CA5A: variants seen among roughly 807,000 people sequenced by gnomAD.
The protein encoded by CA5A is carbonic anhydrase 5A.
A neutral mutation model predicts 37.1 loss-of-function variants in CA5A; 28 were observed. The ratio of observed to expected loss-of-function variants is 0.75; its 90% CI spans 0.56 to 1.03. The LOEUF (loss-of-function observed/expected upper bound fraction) is 1.03. CA5A is among the 50% of genes least tolerant of loss of function. The pLI is 0.00. For synonymous variants in CA5A, 171 were observed against 158.4 expected, an observed-to-expected ratio of 1.08 and a Z score of -0.60; for missense variants, 444 against 399.9, an observed-to-expected ratio of 1.11 and a Z score of -0.94.
intron 1 of CA5A, among the ~76,000 whole-genome samples, chr16:87,927,718 G>C (rs1420567811): frequency 4.6e-5 from 7 of 152,012 alleles, no homozygotes; most frequent in African/African-American, 1.7e-4. Flanking sequence ...AAAATCAGCT[G>C]GGTGTGGTGG....
intron 5 of CA5A, among the ~76,000 whole-genome samples, chr16:87,901,241 G>C (rs1285703690): frequency 3.3e-5 from 5 of 152,186 alleles, no homozygotes; most frequent in Admixed American, 3.3e-4. Context: ...AAATAAAAAA[G>C]AAAAGAAAAG....
At chr16:87,925,761 A>G (rs1362207687) in intron 2 of CA5A, 1 of 152,218 alleles carries the variant, frequency 6.6e-6, no homozygotes, top group African/African-American at 2.4e-5. Context: ...GCTGGAACCC[A>G]GTAAGGGCTT....
chr16:87,892,271 A>C (rs2055728508), intron 5 of CA5A: 1 of 191,588 alleles, frequency 5.2e-6, no homozygotes, highest in African/African-American at 2.3e-5. Flanking sequence ...GCACTTTGGG[A>C]GGCCGAGGCG....
intron 6 of CA5A, among the ~76,000 whole-genome samples, chr16:87,891,479 AG>A (rs2055712335): frequency 6.6e-6 from 1 of 151,416 alleles, no homozygotes; most frequent in Non-Finnish European, 1.5e-5. Flanking sequence ...AAAAAAAAAA[AG>A]GAAAGAAAAG....
chr16:87,919,525 T>A (rs1037856658), intron 2 of CA5A, among the ~76,000 whole-genome samples: 20 of 151,876 alleles, frequency 1.3e-4, no homozygotes, highest in African/African-American at 4.8e-4. Context: ...CCCGTGAGTG[T>A]CCCCTGGGGA....
chr16:87,921,877 TA>T (rs200831431), intron 2 of CA5A, among the ~76,000 whole-genome samples: 9,147 of 148,156 alleles, frequency 0.062, 909 homozygotes, highest in African/African-American at 0.23. Flanking sequence ...TTATTATTAT[TA>T]TTTTTGAGAG....
rs147612043 is a variant in CA5A, at chr16:87,918,140, G to A, written c.340+8608C>T. On this transcript the variant is annotated intron_variant, in intron 2 of 6. Transcript: ENST00000649794. ...AGCCTGGCAGGCACCCCCCAATTCCGGGCTCTCAGGCCTCGTTTGGATTTA... is the reference window on the plus strand; with the variant it reads ...AGCCTGGCAGGCACCCCCCAATTCCAGGCTCTCAGGCCTCGTTTGGATTTA... 1.4e-3 allele frequency among the ~76,000 whole-genome samples: 213 copies of A among 152,270 alleles called. 3 individuals are homozygous for A. In the East Asian group the frequency reaches 0.021, roughly 15 times the overall value.
intron 2 of CA5A, among the ~76,000 whole-genome samples, chr16:87,918,579 G>A (rs544668463): frequency 1.1e-4 from 16 of 152,328 alleles, no homozygotes; most frequent in East Asian, 7.7e-4. Context: ...TGGCCTGTCC[G>A]TTTGTTTCGC....
intron 2 of CA5A, among the ~76,000 whole-genome samples, chr16:87,912,721 CCCAGGAGGG>C: frequency 6.6e-6 from 1 of 152,200 alleles, no homozygotes; most frequent in Non-Finnish European, 1.5e-5. Context: ...GCTTGGGACG[CCCAGGAGGG>C]CCCCCGTGGA....
rs147390581 is a variant in CA5A, at chr16:87,893,181, G to A, written c.619-1227C>T. On this transcript the variant is annotated intron_variant, in intron 5 of 6. Transcript: ENST00000649794. ...TCAGACAGAGTCTCCAGGCTGGAGT[G>A]CAGTGGTGCGATCTCAGCTCACTGC... The A allele has an allele frequency of 4.3e-3, 1,855 of 428,814 alleles. 11 individuals carry two copies. The highest frequency in any genetic ancestry group is 6.9e-3 in the South Asian group (187 of 27,162). The allele number at this position is 428,814 out of a possible 1,614,324, so 26.6% of individuals were successfully genotyped here.
chr16:87,925,789 C>T (rs543822311), intron 2 of CA5A, among the ~76,000 whole-genome samples: 67 of 152,266 alleles, frequency 4.4e-4, no homozygotes, highest in African/African-American at 1.5e-3. Flanking sequence ...TTCAGGACCT[C>T]TCAAGTCACC....
intron 1 of CA5A, among the ~76,000 whole-genome samples, chr16:87,934,697 C>G (rs1403567885): frequency 6.6e-6 from 1 of 152,298 alleles, no homozygotes; most frequent in Non-Finnish European, 1.5e-5. Context: ...CAGTGGCTCA[C>G]GCCTGTAATC....
intron 2 of CA5A, among the ~76,000 whole-genome samples, chr16:87,926,383 C>T (rs745393156): frequency 6.6e-6 from 1 of 152,208 alleles, no homozygotes; most frequent in Non-Finnish European, 1.5e-5. Context: ...CGTCCAGCCA[C>T]CGCTGCCTTC....
intron 2 of CA5A, among the ~76,000 whole-genome samples, chr16:87,918,846 G>A (rs192552704): frequency 6.6e-6 from 1 of 152,310 alleles, no homozygotes; most frequent in East Asian, 1.9e-4. Context: ...GAACAAAGAG[G>A]ACAGAAAATC....
intron 6 of CA5A, among the ~76,000 whole-genome samples, chr16:87,890,217 G>A (rs561460525): frequency 2.0e-5 from 3 of 152,238 alleles, no homozygotes; most frequent in East Asian, 1.9e-4. Flanking sequence ...GTTCTGAGAC[G>A]AATGCCCTGT....
intron 2 of CA5A, among the ~76,000 whole-genome samples, chr16:87,909,412 A>C (rs1325028058): frequency 1.3e-5 from 2 of 152,212 alleles, no homozygotes; most frequent in Admixed American, 6.5e-5. Flanking sequence ...TATGATACGC[A>C]AATGAGGAGG....
intron 5 of CA5A, among the ~76,000 whole-genome samples, chr16:87,896,374 T>C (rs1312294627): frequency 1.3e-5 from 2 of 152,182 alleles, no homozygotes; most frequent in South Asian, 2.1e-4. Context: ...CAGGAGTTCC[T>C]GTCCTGTCTC....
chr16:87,923,970 A>C (rs2056266069), intron 2 of CA5A: 1 of 984,902 alleles, frequency 1.0e-6, no homozygotes, highest in Admixed American at 6.1e-5. Flanking sequence ...TTTAAATAAT[A>C]TAACCACATT....
intron 2 of CA5A, among the ~76,000 whole-genome samples, chr16:87,920,738 C>A (rs2056218994): frequency 6.6e-6 from 1 of 152,224 alleles, no homozygotes; most frequent in Non-Finnish European, 1.5e-5. Flanking sequence ...TCTGCCTCAG[C>A]CTCCCCAGTA....
Sources: gnomAD v4.1 joint callset for allele counts (sites outside exome capture counted in the v4.1 genomes callset) on GRCh38, gnomAD v4.1.1 for gene constraint, MANE v1.5 for transcripts, NCBI Gene and HGNC (gene_info 2026-07-23, HGNC 2026-07-21) for gene names.